Variants in GLDC observed in about 807,000 individuals in gnomAD.
GLDC encodes the protein glycine dehydrogenase (decarboxylating), mitochondrial.
A neutral mutation model predicts 121.3 loss-of-function variants in GLDC; 104 were observed. The ratio of observed to expected loss-of-function variants is 0.86; its 90% CI spans 0.73 to 1.01. The LOEUF (loss-of-function observed/expected upper bound fraction) is 1.01. GLDC is among the 50% of genes least tolerant of loss of function. GLDC has a pLI of 0.00. For missense variants in GLDC, 1,429 were observed against 1,306.6 expected (o/e 1.09, Z -1.44); for synonymous variants, 546 against 480.6 (o/e 1.14, Z -1.78).
chr9:6,537,162 C>T (rs1034690588), intron 22 of GLDC, among the ~76,000 whole-genome samples: 1 of 151,906 alleles, frequency 6.6e-6, no homozygotes, highest in Non-Finnish European at 1.5e-5. Flanking sequence ...TTCCAAGTAG[C>T]TGAGACTACA....
chr9:6,555,155 G>C (rs1300926660), intron 18 of GLDC, among the ~76,000 whole-genome samples: 8 of 152,206 alleles, frequency 5.3e-5, no homozygotes, highest in Non-Finnish European at 1.0e-4. Flanking sequence ...TCCCTGAGCA[G>C]CGCTACCTTC....
chr9:6,645,591 C>T lies in GLDC; in HGVS notation c.-92G>A. On this transcript the variant is annotated 5_prime_UTR_variant, in exon 1 of 25. Coordinates refer to ENST00000321612, the MANE Select transcript of GLDC (RefSeq NM_000170.3). ...CTCGGTCCCCCGGGTGGCGGCTGCGCCCGGCCTGGAGCCCCTTTCGCTGGA... is the reference window on the plus strand; with the variant it reads ...CTCGGTCCCCCGGGTGGCGGCTGCGTCCGGCCTGGAGCCCCTTTCGCTGGA... 1.0e-6 allele frequency: 1 copy of T among 976,190 alleles called. No individual in the cohort carries two copies. Among genetic ancestry groups the T allele is most frequent in the Non-Finnish European group, 1.3e-6 (1 of 758,064 alleles). 60.5% of individuals were successfully genotyped at this position (976,190 alleles called of 1,614,324 possible).
chr9:6,584,574 T>C (rs1818231369), intron 15 of GLDC, among the ~76,000 whole-genome samples: 1 of 152,242 alleles, frequency 6.6e-6, no homozygotes, highest in African/African-American at 2.4e-5. Context: ...ATGGAATATG[T>C]GGTGTATCCC....
intron 3 of GLDC, among the ~76,000 whole-genome samples, chr9:6,612,412 AAAAG>A: frequency 6.6e-6 from 1 of 152,232 alleles, no homozygotes; most frequent in African/African-American, 2.4e-5. Context: ...AAGCTTTCAA[AAAAG>A]AAAGAAAGAA....
At chr9:6,544,453 A>C (rs1817341894) in intron 21 of GLDC, among the ~76,000 whole-genome samples, 1 of 152,160 alleles carries the variant, frequency 6.6e-6, no homozygotes, top group South Asian at 2.1e-4. Context: ...AGATAAGCCT[A>C]GCCAACATGG....
chr9:6,583,947 A>G (rs1034797396), intron 15 of GLDC, among the ~76,000 whole-genome samples: 1 of 152,344 alleles, frequency 6.6e-6, no homozygotes, highest in Middle Eastern at 3.4e-3. Context: ...CAGACGGATA[A>G]TGGTGATGGC....
intron 7 of GLDC, among the ~76,000 whole-genome samples, chr9:6,603,024 T>C (rs1032867155): frequency 6.6e-6 from 1 of 151,944 alleles, no homozygotes; most frequent in Non-Finnish European, 1.5e-5. Flanking sequence ...GGTCCAGAGT[T>C]TGAGACCAGC....
rs1262283551 is a variant in GLDC, at chr9:6,645,452, G to A, written c.48C>T (p.Val16=). ...RAWGLRLGRG[V]GGGRRLAGGS... ...CCCCAGCCAGGCGGCGGCCGCCCCC[G>A]ACCCCGCGGCCCAGGCGCAGCCCCC... Residue 16 remains valine, a synonymous_variant, in exon 1 of 25, where the codon GTC becomes GTT. Transcript: ENST00000321612. The A allele has an allele frequency of 6.4e-6, 8 of 1,255,976 alleles. No individual in the cohort carries two copies. Among genetic ancestry groups the A allele is most frequent in the Non-Finnish European group, 7.9e-6 (8 of 1,007,222 alleles). The allele number at this position is 1,255,976 out of a possible 1,614,324, so 77.8% of individuals were successfully genotyped here.
intron 2 of GLDC, among the ~76,000 whole-genome samples, chr9:6,640,109 T>C (rs1029246292): frequency 6.6e-6 from 1 of 152,214 alleles, no homozygotes; most frequent in South Asian, 2.1e-4. Context: ...GCTTCCCTTT[T>C]TTCCACAATA....
At chr9:6,644,042 AAAAAAAAACG>A (rs1487795822) in intron 2 of GLDC, among the ~76,000 whole-genome samples, 2 of 148,600 alleles carry the variant, frequency 1.3e-5, no homozygotes, top group Admixed American at 1.3e-4. Context: ...AAAAAAAAAA[AAAAAAAAACG>A]AAAAAAAAAA....
intron 2 of GLDC, among the ~76,000 whole-genome samples, chr9:6,637,256 A>C (rs941711826): frequency 2.6e-5 from 4 of 151,758 alleles, no homozygotes; most frequent in African/African-American, 4.8e-5. Flanking sequence ...ATATACAAAA[A>C]TTAGACAGGC....
Position 6,550,854 on chromosome 9 carries a change from T to G in GLDC, c.2518A>C (p.Met840Leu), listed in dbSNP as rs781693346. The change falls in exon 21 of 25, where the codon ATG (methionine) becomes CTG (leucine). Residue 840 changes from methionine to leucine, a missense_variant. By Grantham distance (15) the Met-to-Leu change is conservative. Coordinates refer to ENST00000321612, the MANE Select transcript of GLDC (RefSeq NM_000170.3). ...TETAILNANY[M>L]AKRLETHYRI... ...TAGTGTGTTTCTAATCGCTTGGCCA[T>G]GTAGTTGGCATTTAATATCGCAGTT... 5 of 1,613,898 alleles carry G rather than the reference T, an allele frequency of 3.1e-6. No homozygotes were observed. The highest frequency in any genetic ancestry group is 4.2e-6 in the Non-Finnish European group (5 of 1,179,744).
chr9:6,599,720 C>CAAAAAAAAAAAAAAAAAAAAAAAAA (rs549444099), intron 8 of GLDC, among the ~76,000 whole-genome samples: 9 of 120,740 alleles, frequency 7.5e-5, no homozygotes, highest in African/African-American at 2.7e-4. Context: ...GACTCCATCT[C>CAAAAAAAAAAAAAAAAAAAAAAAAA]AAAAAAAAAA....
At chr9:6,642,391 C>G (rs1345023164) in intron 2 of GLDC, among the ~76,000 whole-genome samples, 10 of 152,010 alleles carry the variant, frequency 6.6e-5, no homozygotes, top group Non-Finnish European at 4.4e-5. Flanking sequence ...ATTAGCCGGG[C>G]ATGGTGGTGC....
At chr9:6,585,519 C>T (rs954294321) in intron 15 of GLDC, among the ~76,000 whole-genome samples, 5 of 151,898 alleles carry the variant, frequency 3.3e-5, no homozygotes, top group Non-Finnish European at 7.3e-5. Flanking sequence ...ATTGAGAGCA[C>T]TGTATCCTTT....
intron 15 of GLDC, 101 bp downstream of exon 15, chr9:6,587,040 C>T: frequency 2.1e-6 from 2 of 967,424 alleles, no homozygotes. Context: ...TAGCAAGTCA[C>T]AGAATAACAC....
At chr9:6,617,408 G>C (rs999998271) in intron 3 of GLDC, among the ~76,000 whole-genome samples, 17 of 152,080 alleles carry the variant, frequency 1.1e-4, no homozygotes, top group African/African-American at 2.9e-4. Flanking sequence ...AAGAGCAAAG[G>C]CTGCTGGCCA....
At chr9:6,557,816 C>G (rs1440028651) in intron 17 of GLDC, 1 of 153,174 alleles carries the variant, frequency 6.5e-6, no homozygotes, top group Non-Finnish European at 1.5e-5. Flanking sequence ...TCCTATATTA[C>G]TATAATGGAG....
chr9:6,560,841 A>G lies in GLDC; in HGVS notation c.1927-2157T>C, dbSNP rs561992574. Among the ~76,000 whole-genome samples the G allele has an allele frequency of 3.9e-5, 6 of 152,332 alleles. No homozygotes were observed. In the East Asian group the frequency reaches 1.2e-3, roughly 29 times the overall value. The stretch of plus-strand genomic sequence containing the variant: ...GGGGACTTGCAGATGGGATTAAGGT[A>G]AAGAAAGATCTTGAGATGGAAAAAT... On this transcript the variant is annotated intron_variant, in intron 16 of 24. Transcript: ENST00000321612.
Sources: allele counts gnomAD v4.1 joint callset (sites outside exome capture counted in the v4.1 genomes callset), GRCh38; gene constraint gnomAD v4.1.1; transcripts MANE v1.5; gene names NCBI Gene and HGNC (gene_info 2026-07-23, HGNC 2026-07-21).